ETV6: variants seen among roughly 807,000 people sequenced by gnomAD.
The protein encoded by ETV6 is ETS variant transcription factor 6, also known as transcription factor ETV6.
A neutral mutation model predicts 51.1 loss-of-function variants in ETV6; 16 were observed. That is an observed-to-expected ratio of 0.31 (90% confidence interval 0.21 to 0.48). The LOEUF is 0.48. Ranked by LOEUF, ETV6 falls within the 20% of genes least tolerant of loss-of-function variation. The probability of loss-of-function intolerance (pLI) is 0.99; values close to 1 mark genes in which losing one functional copy is unlikely to be tolerated. For missense variants in ETV6, 458 were observed against 594.8 expected, an observed-to-expected ratio of 0.77 and a Z score of 2.39; for synonymous variants, 240 against 224.1, an observed-to-expected ratio of 1.07 and a Z score of -0.64.
intron 2 of ETV6, among the ~76,000 whole-genome samples, chr12:11,833,873 A>G (rs1053699238): frequency 2.0e-5 from 3 of 152,218 alleles, no homozygotes; most frequent in African/African-American, 7.2e-5. Flanking sequence ...TGGCACCACC[A>G]CTTCCATCTC....
intron 4 of ETV6, among the ~76,000 whole-genome samples, chr12:11,857,919 A>T (rs1271596430): frequency 6.6e-6 from 1 of 152,224 alleles, no homozygotes; most frequent in Non-Finnish European, 1.5e-5. Flanking sequence ...CCTGGGTGAT[A>T]TGAAGATAAG....
At chr12:11,826,107 A>G (rs1946150118) in intron 2 of ETV6, among the ~76,000 whole-genome samples, 1 of 152,122 alleles carries the variant, frequency 6.6e-6, no homozygotes, top group African/African-American at 2.4e-5. Flanking sequence ...AAGTGCTGAG[A>G]TTACAAGTGT....
Position 11,752,438 on chromosome 12 carries a change from T to C in ETV6, c.34-12T>C. On this transcript the variant is annotated splice_polypyrimidine_tract_variant and intron_variant, in intron 1 of 7. Transcript: ENST00000396373. ...TCTCCCCCTCCCCTCTTCCTGCCCT[T>C]ATTTTTAACAGCAGGAACGAATTTC... 6.2e-7 allele frequency: 1 copy of C among 1,606,664 alleles called. No homozygotes were observed.
intron 1 of ETV6, among the ~76,000 whole-genome samples, chr12:11,716,401 C>G (rs1865282060): frequency 7.0e-6 from 1 of 142,500 alleles, no homozygotes; most frequent in Non-Finnish European, 1.5e-5. Flanking sequence ...GGGCTGTGAT[C>G]TGGTGAATTG....
intron 3 of ETV6, among the ~76,000 whole-genome samples, chr12:11,842,772 CTAGT>C (rs1278128128): frequency 1.3e-5 from 2 of 152,186 alleles, no homozygotes; most frequent in East Asian, 3.8e-4. Flanking sequence ...AGCAGGAAAG[CTAGT>C]TAGAGTGTCC....
chr12:11,868,511 C>T lies in ETV6; in HGVS notation c.464-913C>T, dbSNP rs182454296. ...GGAGTGCAATGGTGTGATCTTGGCT[C>T]GCTGCAACCTCCACCTCCTGGGTTC... On this transcript the variant is annotated intron_variant, in intron 4 of 7. Transcript: ENST00000396373. Among the ~76,000 whole-genome samples, 27 of 146,086 alleles carry T rather than the reference C, an allele frequency of 1.8e-4. No individual in the cohort carries two copies. The East Asian group carries it at 2.8e-3, about 15-fold the overall frequency.
chr12:11,795,782 G>A (rs974668607), intron 2 of ETV6, among the ~76,000 whole-genome samples: 1 of 152,194 alleles, frequency 6.6e-6, no homozygotes, highest in Non-Finnish European at 1.5e-5. Context: ...GAGCAACTTG[G>A]AAGGTTGCCT....
At chr12:11,682,339 A>G (rs371648592) in intron 1 of ETV6, among the ~76,000 whole-genome samples, 1 of 151,904 alleles carries the variant, frequency 6.6e-6, no homozygotes, top group Admixed American at 6.6e-5. Context: ...TTTTTTTCGT[A>G]TGTTTGTTGA....
chr12:11,694,082 C>T (rs142594850), intron 1 of ETV6, among the ~76,000 whole-genome samples: 10 of 152,268 alleles, frequency 6.6e-5, no homozygotes, highest in South Asian at 2.1e-4. Context: ...TGTATCATGC[C>T]GTGGCATAAC....
intron 2 of ETV6, chr12:11,826,522 T>G (rs1946155863): frequency 6.6e-6 from 1 of 152,234 alleles, no homozygotes; most frequent in South Asian, 2.1e-4. Context: ...TGCCACCTAC[T>G]TGGGAGTCTG....
At chr12:11,812,365 G>A (rs1361105427) in intron 2 of ETV6, among the ~76,000 whole-genome samples, 6 of 152,080 alleles carry the variant, frequency 3.9e-5, no homozygotes, top group Non-Finnish European at 4.4e-5. Flanking sequence ...TTCCTCACAG[G>A]TTCCCTTGGG....
chr12:11,649,829 G>A lies in ETV6; in HGVS notation c.-299G>A, dbSNP rs946727156. 2 of 151,456 alleles carry A rather than the reference G, an allele frequency of 1.3e-5. No homozygotes were observed. The highest frequency in any genetic ancestry group is 4.9e-5 in the African/African-American group (2 of 41,126). 9.4% of individuals were successfully genotyped at this position (151,456 alleles called of 1,614,324 possible). A position where few individuals can be genotyped will look rare whatever the true frequency, so the allele number is the denominator to read the frequency against. Reference sequence around the variant, plus strand: ...CGGGGGCGCCGGCTGCGGGTGGGAGGAGAGACCGGGAGGCCGGCCGGGCTG... The same window carrying A: ...CGGGGGCGCCGGCTGCGGGTGGGAGAAGAGACCGGGAGGCCGGCCGGGCTG... On this transcript the variant is annotated 5_prime_UTR_variant, in exon 1 of 8. Coordinates refer to ENST00000396373, the MANE Select transcript of ETV6 (RefSeq NM_001987.5).
At chr12:11,780,310 G>A (rs1945394405) in intron 2 of ETV6, among the ~76,000 whole-genome samples, 3 of 152,110 alleles carry the variant, frequency 2.0e-5, no homozygotes, top group Admixed American at 1.3e-4. Flanking sequence ...ATTAGAATAG[G>A]TTTTAGGTTC....
chr12:11,858,316 A>C (rs1205649238), intron 4 of ETV6, among the ~76,000 whole-genome samples: 2 of 151,980 alleles, frequency 1.3e-5, no homozygotes, highest in Non-Finnish European at 2.9e-5. Flanking sequence ...AAATAAATTT[A>C]TTTTGTCACG....
intron 7 of ETV6, among the ~76,000 whole-genome samples, chr12:11,887,596 A>G (rs955945469): frequency 2.0e-5 from 3 of 151,960 alleles, no homozygotes; most frequent in Non-Finnish European, 1.5e-5. Context: ...AAAAGTACAA[A>G]AATTAGCTGA....
intron 5 of ETV6, among the ~76,000 whole-genome samples, chr12:11,881,096 C>T (rs750570193): frequency 1.3e-5 from 2 of 152,100 alleles, no homozygotes; most frequent in Non-Finnish European, 2.9e-5. Flanking sequence ...CACCACCACG[C>T]CTGGATAATT....
chr12:11,799,666 G>A (rs7487445), intron 2 of ETV6, among the ~76,000 whole-genome samples: 57 of 152,318 alleles, frequency 3.7e-4, no homozygotes, highest in African/African-American at 1.0e-3. Flanking sequence ...ATGCCATTAC[G>A]AAATGAAGTC....
rs372333092 is a variant in ETV6, at chr12:11,788,214, TCACACTG to T, written c.163+35638_163+35644del. Among the ~76,000 whole-genome samples, 573 of 152,372 alleles carry T rather than the reference TCACACTG, an allele frequency of 3.8e-3. 2 individuals are homozygous for T. The highest frequency in any genetic ancestry group is 0.013 in the African/African-American group (553 of 41,592). On this transcript the variant is annotated intron_variant, in intron 2 of 7. Coordinates refer to ENST00000396373, the MANE Select transcript of ETV6 (RefSeq NM_001987.5). ...ATATGTGTTTAGCACAGGGCTATAG[TCACACTG>T]CATAGTATTGGTCTAAACCATTCCA...
At chr12:11,668,738 T>C (rs1052391306) in intron 1 of ETV6, among the ~76,000 whole-genome samples, 1 of 152,222 alleles carries the variant, frequency 6.6e-6, no homozygotes, top group Non-Finnish European at 1.5e-5. Context: ...GGAAGAAATT[T>C]TCCCCCTGTG....
Sources: allele counts gnomAD v4.1 joint callset (sites outside exome capture counted in the v4.1 genomes callset), GRCh38; gene constraint gnomAD v4.1.1; transcripts MANE v1.5; gene names NCBI Gene and HGNC (gene_info 2026-07-23, HGNC 2026-07-21).